The following CDH6 variants were observed in gnomAD, a reference collection of about 807,000 sequenced individuals.
The protein encoded by CDH6 is cadherin-6.
CDH6 carries 31 observed loss-of-function variants against 78.0 expected under a neutral mutation model. The ratio of observed to expected loss-of-function variants is 0.40; its 90% confidence interval spans 0.30 to 0.54. The LOEUF (loss-of-function observed/expected upper bound fraction) is 0.54, where lower values mean the gene tolerates loss of function less well. CDH6 is among the 20% of genes least tolerant of loss of function. The pLI, the probability that CDH6 is intolerant of heterozygous loss-of-function variation, is 0.56. For missense variants in CDH6, 724 were observed against 975.9 expected (o/e 0.74, Z 3.44); for synonymous variants, 376 against 368.8 (o/e 1.02, Z -0.23).
intron 1 of CDH6, among the ~76,000 whole-genome samples, chr5:31,198,281 T>C (rs917012546): frequency 6.6e-6 from 1 of 152,190 alleles, no homozygotes; most frequent in African/African-American, 2.4e-5. Context: ...ATCTTTACAC[T>C]AACACCATTG....
At chr5:31,235,588 A>T (rs1741435243) in intron 1 of CDH6, among the ~76,000 whole-genome samples, 1 of 152,210 alleles carries the variant, frequency 6.6e-6, no homozygotes, top group South Asian at 2.1e-4. Context: ...AGCGAATGTT[A>T]TGCATGACTT....
intron 1 of CDH6, among the ~76,000 whole-genome samples, chr5:31,202,643 AT>A (rs908412941): frequency 2.3e-4 from 29 of 126,544 alleles, no homozygotes; most frequent in African/African-American, 6.1e-4. Flanking sequence ...CCTCAAAAAA[AT>A]ATATATATAT....
intron 1 of CDH6, among the ~76,000 whole-genome samples, chr5:31,266,066 T>G (rs1346125363): frequency 6.6e-6 from 1 of 152,082 alleles, no homozygotes. Context: ...CATGAGCCAC[T>G]GTGCCTGGCA....
intron 2 of CDH6, among the ~76,000 whole-genome samples, chr5:31,292,852 CAT>C (rs140377309): frequency 0.014 from 124 of 8,788 alleles, no homozygotes; most frequent in Non-Finnish European, 0.05. Flanking sequence ...TATATGTGTG[CAT>C]ATATATATAT....
At chr5:31,300,858 T>C (rs1184982672) in intron 5 of CDH6, among the ~76,000 whole-genome samples, 5 of 152,214 alleles carry the variant, frequency 3.3e-5, no homozygotes, top group African/African-American at 9.6e-5. Context: ...CACCAACTCA[T>C]GCCTGTAATC....
intron 1 of CDH6, among the ~76,000 whole-genome samples, chr5:31,240,892 A>G (rs532488053): frequency 6.6e-6 from 1 of 152,156 alleles, no homozygotes; most frequent in Admixed American, 6.5e-5. Flanking sequence ...CCCTATCCAT[A>G]ACAACTTGGA....
rs199982098 is a variant in CDH6, at chr5:31,317,824, C to T, written c.1782C>T (p.His594=). ...VTVRVCACDH[H]GNMQSCHAEA... ...TCCGGGTCTGTGCATGTGACCACCACGGGAACATGCAATCCTGCCATGCGG... is the reference window on the plus strand; with the variant it reads ...TCCGGGTCTGTGCATGTGACCACCATGGGAACATGCAATCCTGCCATGCGG... The change falls in exon 11 of 12, where the codon CAC becomes CAT. Residue 594 remains histidine (H), a synonymous_variant. Transcript: ENST00000265071. 2.8e-5 allele frequency: 45 copies of T among 1,614,080 alleles called. No individual in the cohort carries two copies. The African/African-American group carries it at 4.4e-4, about 16-fold the overall frequency.
rs371678033 is a variant in CDH6 at position 31,293,942 on chromosome 5, A to ATT, written c.229-11_229-10dup. 19 of 1,422,190 alleles carry ATT rather than the reference A, an allele frequency of 1.3e-5. No homozygotes were observed. Among genetic ancestry groups the ATT allele is most frequent in the East Asian group, 4.8e-5 (2 of 41,552 alleles). 88.1% of individuals were successfully genotyped at this position (1,422,190 alleles called of 1,614,324 possible). A position where few individuals can be genotyped will look rare whatever the true frequency, so the allele number is the denominator to read the frequency against. On this transcript the variant is annotated intron_variant, in intron 2 of 11. Coordinates refer to ENST00000265071, the MANE Select transcript of CDH6 (RefSeq NM_004932.4). Reference sequence around the variant, plus strand: ...ACATGCTTGACTTTTACTTTCTTTAATTTTTTTTTTCTACACTAGTTACAT... The same window carrying ATT: ...ACATGCTTGACTTTTACTTTCTTTAATTTTTTTTTTTTCTACACTAGTTACAT...
intron 7 of CDH6, among the ~76,000 whole-genome samples, chr5:31,310,186 G>A (rs1352047822): frequency 6.6e-6 from 1 of 151,980 alleles, no homozygotes; most frequent in Non-Finnish European, 1.5e-5. Flanking sequence ...TACAGGTATT[G>A]GGTAAATGTT....
chr5:31,253,581 T>A (rs1178927248), intron 1 of CDH6, among the ~76,000 whole-genome samples: 1 of 152,200 alleles, frequency 6.6e-6, no homozygotes, highest in Non-Finnish European at 1.5e-5. Flanking sequence ...CTAATCTCAT[T>A]CATGAAGGCA....
intron 1 of CDH6, among the ~76,000 whole-genome samples, chr5:31,242,700 A>ATT (rs530193734): frequency 8.6e-5 from 9 of 104,068 alleles, no homozygotes; most frequent in Non-Finnish European, 1.6e-4. Context: ...CAGAATAAGA[A>ATT]TGGGGGGGGG....
chr5:31,248,728 C>T (rs1741825724), intron 1 of CDH6, among the ~76,000 whole-genome samples: 1 of 148,256 alleles, frequency 6.7e-6, no homozygotes, highest in Non-Finnish European at 1.5e-5. Context: ...GCAAAACATG[C>T]ACACACACAC....
chr5:31,307,965 T>C (rs999702369), intron 7 of CDH6, among the ~76,000 whole-genome samples: 1 of 152,178 alleles, frequency 6.6e-6, no homozygotes, highest in Non-Finnish European at 1.5e-5. Context: ...TTGGTACATA[T>C]GGATTTGATA....
At chr5:31,250,256 C>A (rs1212229957) in intron 1 of CDH6, 1 of 152,262 alleles carries the variant, frequency 6.6e-6, no homozygotes, top group African/African-American at 2.4e-5. Context: ...GACTGTGTGA[C>A]AAGGCAAGGC....
chr5:31,259,428 TC>T (rs2149929261), intron 1 of CDH6, among the ~76,000 whole-genome samples: 1 of 152,342 alleles, frequency 6.6e-6, no homozygotes, highest in East Asian at 1.9e-4. Context: ...GGCTGCCCTT[TC>T]ACTGAGCTGT....
intron 6 of CDH6, among the ~76,000 whole-genome samples, chr5:31,302,949 AAG>A (rs1167525452): frequency 1.5e-5 from 2 of 131,568 alleles, no homozygotes; most frequent in African/African-American, 2.6e-5. Context: ...GAAAGAAAGA[AAG>A]AAAGAAGGAA....
At chr5:31,278,717 T>C (rs927956235) in intron 2 of CDH6, among the ~76,000 whole-genome samples, 24 of 152,212 alleles carry the variant, frequency 1.6e-4, no homozygotes, top group African/African-American at 5.5e-4. Context: ...AAAAATTATA[T>C]GTAATGACAT....
chr5:31,248,528 T>G (rs1285767971), intron 1 of CDH6, among the ~76,000 whole-genome samples: 2 of 152,256 alleles, frequency 1.3e-5, no homozygotes, highest in African/African-American at 4.8e-5. Context: ...CTCTTTACTT[T>G]AAGGACTTGT....
intron 1 of CDH6, among the ~76,000 whole-genome samples, chr5:31,239,026 A>G (rs1161496699): frequency 6.6e-6 from 1 of 152,236 alleles, no homozygotes; most frequent in African/African-American, 2.4e-5. Flanking sequence ...CCTTCATAAA[A>G]TAATGGGGAA....
Sources: allele counts gnomAD v4.1 joint callset (sites outside exome capture counted in the v4.1 genomes callset), GRCh38; gene constraint gnomAD v4.1.1; transcripts MANE v1.5; gene names NCBI Gene and HGNC (gene_info 2026-07-23, HGNC 2026-07-21).